Variants in CDH19 observed in about 807,000 individuals in gnomAD.
CDH19 encodes cadherin-19.
In CDH19, 67 loss-of-function variants were observed where a neutral mutation model predicts 64.2. The observed-to-expected ratio is 1.04, with a 90% CI of 0.86 to 1.28. The LOEUF (loss-of-function observed/expected upper bound fraction) is 1.28, where lower values mean the gene tolerates loss of function less well. Ranked by LOEUF, CDH19 falls within the 50% of genes most tolerant of loss-of-function variation. The probability of loss-of-function intolerance (pLI) is 0.00; values close to 1 mark genes in which losing one functional copy is unlikely to be tolerated. For missense variants in CDH19, 1,030 were observed against 929.0 expected, an observed-to-expected ratio of 1.11 and a Z score of -1.41; for synonymous variants, 346 against 319.3, an observed-to-expected ratio of 1.08 and a Z score of -0.89.
At chr18:66,528,631 G>C (rs7245382) in intron 9 of CDH19, among the ~76,000 whole-genome samples, 50,894 of 134,808 alleles carry the variant, frequency 0.38, 9,479 homozygotes, top group South Asian at 0.52. Context: ...AATACACATA[G>C]CTTAATGAAA....
intron 3 of CDH19, among the ~76,000 whole-genome samples, chr18:66,558,097 T>C (rs1183411680): frequency 6.6e-6 from 1 of 150,744 alleles, no homozygotes; most frequent in Non-Finnish European, 1.5e-5. Context: ...TGTTCAGACA[T>C]AGCGCCATTG....
chr18:66,505,730 G>A (rs1985167336), intron 11 of CDH19, among the ~76,000 whole-genome samples: 1 of 151,462 alleles, frequency 6.6e-6, no homozygotes, highest in African/African-American at 2.4e-5. Flanking sequence ...ATTAATAGTA[G>A]TTCAGAACAA....
At chr18:66,597,623 T>C (rs2144643234) in intron 1 of CDH19, among the ~76,000 whole-genome samples, 1 of 152,172 alleles carries the variant, frequency 6.6e-6, no homozygotes, top group South Asian at 2.1e-4. Context: ...ACTAAAGAGC[T>C]TCTGCACAGC....
Position 66,504,707 on chromosome 18 carries a change from G to T in CDH19, c.*105C>A. The stretch of plus-strand genomic sequence containing the variant: ...TCCAGGGAAATCAGAAAACTCCATA[G>T]ACTAGGGCTTTCCCCGCCATAGAGC... On this transcript the variant is annotated 3_prime_UTR_variant, in exon 12 of 12. Coordinates refer to ENST00000262150, the MANE Select transcript of CDH19 (RefSeq NM_021153.4). The T allele has an allele frequency of 8.3e-7, 1 of 1,207,638 alleles. No homozygotes were observed. Among genetic ancestry groups the T allele is most frequent in the Non-Finnish European group, 1.1e-6 (1 of 870,920 alleles). The allele number at this position is 1,207,638 out of a possible 1,614,324, so 74.8% of individuals were successfully genotyped here. A position where few individuals can be genotyped will look rare whatever the true frequency, so the allele number is the denominator to read the frequency against.
chr18:66,534,619 T>C (rs73537797), intron 8 of CDH19, among the ~76,000 whole-genome samples: 2,608 of 152,064 alleles, frequency 0.017, 67 homozygotes, highest in African/African-American at 0.058. Context: ...GTATGAATAA[T>C]GGATTCATGA....
Position 66,504,919 on chromosome 18 carries a change from A to G in CDH19, c.2212T>C (p.Ser738Pro). The change falls in exon 12 of 12, where the codon TCA becomes CCA. Residue 738 changes from serine (S) to proline (P), a missense_variant. Coordinates refer to ENST00000262150, the MANE Select transcript of CDH19 (RefSeq NM_021153.4). ...SLAGSLSSLE[S>P]AVSDQDESYD... Reference sequence around the variant, plus strand: ...CTTTCATCCTGATCAGAGACTGCTGATTCTAAGGAGCTCAGGGATCCAGCT... The same window carrying G: ...CTTTCATCCTGATCAGAGACTGCTGGTTCTAAGGAGCTCAGGGATCCAGCT... 1 of 1,613,498 alleles carries G rather than the reference A, an allele frequency of 6.2e-7. No homozygotes were observed.
chr18:66,533,991 T>C (rs1219981036), intron 8 of CDH19, among the ~76,000 whole-genome samples: 2 of 151,800 alleles, frequency 1.3e-5, no homozygotes, highest in Non-Finnish European at 2.9e-5. Context: ...AGATCTAAAA[T>C]GGGCTTAATG....
At chr18:66,513,527 A>C (rs1985592820) in intron 9 of CDH19, among the ~76,000 whole-genome samples, 1 of 151,486 alleles carries the variant, frequency 6.6e-6, no homozygotes, top group Non-Finnish European at 1.5e-5. Context: ...AGGTACACTT[A>C]AACACATACC....
chr18:66,514,043 T>C (rs1337476128), intron 9 of CDH19, among the ~76,000 whole-genome samples: 1 of 151,468 alleles, frequency 6.6e-6, no homozygotes, highest in Non-Finnish European at 1.5e-5. Context: ...TACATTATCT[T>C]AGATAATCTT....
At chr18:66,533,568 T>C (rs1003925629) in intron 8 of CDH19, among the ~76,000 whole-genome samples, 1 of 152,012 alleles carries the variant, frequency 6.6e-6, no homozygotes, top group Non-Finnish European at 1.5e-5. Context: ...TAAGTTAAAT[T>C]AAACCTTTGG....
Position 66,544,753 on chromosome 18 carries a change from T to C in CDH19, c.926A>G (p.His309Arg), listed in dbSNP as rs1441670386. The C allele has an allele frequency of 3.1e-6, 5 of 1,610,166 alleles. No individual in the cohort carries two copies. The highest frequency in any genetic ancestry group is 2.2e-5 in the East Asian group (1 of 44,782). Residue 309 changes from histidine to arginine, a missense_variant, in exon 6 of 12, where the codon CAT becomes CGT. His to Arg is a conservative substitution (Grantham distance 29, BLOSUM62 0). Transcript: ENST00000262150. Reference protein sequence around the residue: ...DSQTFDIITNHETQEGIVILK... With the variant: ...DSQTFDIITNRETQEGIVILK... ...TATAACTATTCCTTCTTGAGTTTCA[T>C]GATTAGTAATAATGTCAAATGTTTG...
rs950077168 is a variant in CDH19 at position 66,504,431 on chromosome 18, T to A, written c.*381A>T. 1.8e-5 allele frequency: 3 copies of A among 163,764 alleles called. No individual in the cohort carries two copies. The highest frequency in any genetic ancestry group is 7.2e-5 in the African/African-American group (3 of 41,806). The allele number at this position is 163,764 out of a possible 1,614,324, so 10.1% of individuals were successfully genotyped here. On this transcript the variant is annotated 3_prime_UTR_variant, in exon 12 of 12. Transcript: ENST00000262150. ...GTTATCTCGATTTGTACATTTCTATTTGACTTGCAAATTTTTGCTCCTTTA... is the reference window on the plus strand; with the variant it reads ...GTTATCTCGATTTGTACATTTCTATATGACTTGCAAATTTTTGCTCCTTTA...
chr18:66,532,697 A>G (rs1986502569), intron 8 of CDH19: 1 of 449,782 alleles, frequency 2.2e-6, no homozygotes, highest in Non-Finnish European at 4.5e-6. Context: ...TTCAAGGAAT[A>G]CAGCATCCCT....
At chr18:66,508,209 T>A (rs1414976423) in intron 11 of CDH19, among the ~76,000 whole-genome samples, 1 of 151,822 alleles carries the variant, frequency 6.6e-6, no homozygotes. Flanking sequence ...GTAACTCACA[T>A]AAGTAGAGAG....
intron 1 of CDH19, among the ~76,000 whole-genome samples, chr18:66,589,143 C>A (rs1988668245): frequency 6.6e-6 from 1 of 151,234 alleles, no homozygotes; most frequent in Non-Finnish European, 1.5e-5. Flanking sequence ...ACTATTTTTT[C>A]CTAAAACATT....
chr18:66,582,232 G>A (rs931412534), intron 1 of CDH19, among the ~76,000 whole-genome samples: 1 of 151,888 alleles, frequency 6.6e-6, no homozygotes, highest in East Asian at 1.9e-4. Flanking sequence ...AGATTCTTGA[G>A]GTCAAGTAAA....
At chr18:66,545,191 G>A (rs570092082) in intron 5 of CDH19, among the ~76,000 whole-genome samples, 1 of 151,998 alleles carries the variant, frequency 6.6e-6, no homozygotes, top group South Asian at 2.1e-4. Flanking sequence ...TTTTAGCTAG[G>A]ATGGTCTCGA....
Position 66,553,545 on chromosome 18 carries a change from C to A in CDH19, c.610+860G>T, listed in dbSNP as rs1369445930. ...ATAAGAAATGTTTAAAGATCCAACA[C>A]AATACTTTAATTCTTTAAGGGTTTT... On this transcript the variant is annotated intron_variant, in intron 4 of 11. Transcript: ENST00000262150. Among the ~76,000 whole-genome samples, 2 of 133,922 alleles carry A rather than the reference C, an allele frequency of 1.5e-5. 1 individual carries two copies. Among genetic ancestry groups the A allele is most frequent in the Non-Finnish European group, 3.1e-5 (2 of 65,514 alleles). 87.9% of individuals were successfully genotyped at this position (133,922 alleles called of 152,430 possible).
chr18:66,541,790 A>C (rs1986896469), intron 7 of CDH19, among the ~76,000 whole-genome samples: 1 of 152,144 alleles, frequency 6.6e-6, no homozygotes, highest in African/African-American at 2.4e-5. Flanking sequence ...TAAAGGTGGA[A>C]GTCATTAGCT....
Sources: gnomAD v4.1 joint callset for allele counts (sites outside exome capture counted in the v4.1 genomes callset) on GRCh38, gnomAD v4.1.1 for gene constraint, MANE v1.5 for transcripts, NCBI Gene and HGNC (gene_info 2026-07-23, HGNC 2026-07-21) for gene names.